Variants in POGZ observed in about 807,000 individuals in gnomAD.
POGZ encodes the protein pogo transposable element with ZNF domain.
A neutral mutation model predicts 134.6 loss-of-function variants in POGZ; 17 were observed. The observed-to-expected ratio is 0.13, with a 90% CI of 0.09 to 0.19. The LOEUF is 0.19. Ranked by LOEUF, POGZ falls within the 10% of genes least tolerant of loss-of-function variation. The pLI, the probability that POGZ is intolerant of heterozygous loss-of-function variation, is 1.00. For missense variants in POGZ, 1,306 were observed against 1,769.7 expected (o/e 0.74, Z 4.70); for synonymous variants, 693 against 657.1 (o/e 1.05, Z -0.84).
In POGZ at chr1:151,431,315, C is replaced by G. The variant is rs377459305; in HGVS notation, c.284-474G>C. ...CTGACTCTCATGATTTAAGTGACCA[C>G]ACATAATCTCCCCCACCAAATCAGC... On this transcript the variant is annotated intron_variant, in intron 3 of 18. Transcript: ENST00000271715. Among the ~76,000 whole-genome samples, 118 of 152,300 alleles carry G rather than the reference C, an allele frequency of 7.7e-4. 3 individuals are homozygous for G. In the South Asian group the frequency reaches 0.024, roughly 31 times the overall value.
intron 1 of POGZ, among the ~76,000 whole-genome samples, chr1:151,449,044 G>C (rs746310500): frequency 7.9e-5 from 12 of 152,170 alleles, no homozygotes; most frequent in Non-Finnish European, 1.6e-4. Context: ...CAGAGATTTA[G>C]ATACAGCAGA....
chr1:151,439,977 T>C (rs919615004), intron 3 of POGZ, among the ~76,000 whole-genome samples: 20 of 152,168 alleles, frequency 1.3e-4, no homozygotes, highest in African/African-American at 4.8e-4. Context: ...AAAAATGTTA[T>C]AGATGACTAT....
At chr1:151,452,604 G>A (rs557363184) in intron 1 of POGZ, among the ~76,000 whole-genome samples, 61 of 152,180 alleles carry the variant, frequency 4.0e-4, no homozygotes, top group African/African-American at 1.4e-3. Flanking sequence ...AGTGGCTCAC[G>A]CCTGTAATCC....
At chr1:151,425,461 T>TTA (rs1657614786) in intron 7 of POGZ, among the ~76,000 whole-genome samples, 1 of 152,214 alleles carries the variant, frequency 6.6e-6, no homozygotes, top group Admixed American at 6.5e-5. Flanking sequence ...GTTTTTGTTT[T>TTA]TTTTAATCTT....
At chr1:151,448,883 CAA>C (rs1661637270) in intron 1 of POGZ, among the ~76,000 whole-genome samples, 2 of 152,014 alleles carry the variant, frequency 1.3e-5, no homozygotes, top group African/African-American at 4.8e-5. Flanking sequence ...AACAAACAAA[CAA>C]ACACGCAAAC....
At position 151,406,051 on chromosome 1, in the gene POGZ, T is replaced by C; in HGVS notation, c.2984A>G (p.His995Arg). ...LCCNTEQAAE[H>R]FRNPQRRIRR... is the part of the protein sequence containing the mutation. ...AATACGTCGCTGGGGATTTCGGAAGTGTTCAGCTGCCTGTTCTGTATTGCA... is the reference window on the plus strand; with the variant it reads ...AATACGTCGCTGGGGATTTCGGAAGCGTTCAGCTGCCTGTTCTGTATTGCA... Residue 995 changes from histidine to arginine, a missense_variant, in exon 19 of 19, where the codon CAC (histidine) becomes CGC (arginine). Coordinates refer to ENST00000271715, the MANE Select transcript of POGZ (RefSeq NM_015100.4). 1.2e-6 allele frequency: 2 copies of C among 1,614,210 alleles called. No homozygotes were observed. The highest frequency in any genetic ancestry group is 1.7e-6 in the Non-Finnish European group (2 of 1,180,036).
intron 10 of POGZ, among the ~76,000 whole-genome samples, chr1:151,422,580 T>C (rs1477839132): frequency 1.3e-5 from 2 of 152,158 alleles, no homozygotes; most frequent in Non-Finnish European, 2.9e-5. Flanking sequence ...AATGATAAAG[T>C]ACTTCATAAT....
At chr1:151,409,434 G>C (rs1253409033) in intron 12 of POGZ, among the ~76,000 whole-genome samples, 1 of 151,964 alleles carries the variant, frequency 6.6e-6, no homozygotes, top group Non-Finnish European at 1.5e-5. Flanking sequence ...GAGTGCAGTG[G>C]CATGTTCATA....
chr1:151,453,673 G>T (rs1389539814), intron 1 of POGZ, among the ~76,000 whole-genome samples: 1 of 152,018 alleles, frequency 6.6e-6, no homozygotes, highest in African/African-American at 2.4e-5. Context: ...AACACTGCAG[G>T]CTCACACAGA....
chr1:151,406,149 A>G lies in POGZ; in HGVS notation c.2886T>C (p.Gly962=). 1.2e-6 allele frequency: 2 copies of G among 1,614,102 alleles called. No individual in the cohort carries two copies. The highest frequency in any genetic ancestry group is 1.7e-6 in the Non-Finnish European group (2 of 1,180,014). ...CCTTTTTGCCAACTCCACCACTACC[A>G]CCACCACCTGATGCTAGCTCAGGTT... ...TQEPELASGG[G]GSGGVGKKEQ... The change falls in exon 19 of 19, where the codon GGT becomes GGC. Residue 962 remains glycine, a synonymous_variant. Coordinates refer to ENST00000271715, the MANE Select transcript of POGZ (RefSeq NM_015100.4).
intron 17 of POGZ, 132 bp from the exon 18 acceptor site, chr1:151,406,763 A>T: frequency 9.7e-7 from 1 of 1,026,020 alleles, no homozygotes; most frequent in Non-Finnish European, 1.5e-6. Context: ...GTTTTATATA[A>T]ACTTCAGGTC....
At position 151,442,199 on chromosome 1, in the gene POGZ, C is replaced by T. The variant is rs777541192; in HGVS notation, c.6G>A (p.Ala2=). 1.7e-5 allele frequency: 28 copies of T among 1,611,296 alleles called. No homozygotes were observed. In the Admixed American group the frequency reaches 2.0e-4, roughly 12 times the overall value. The part of the protein sequence containing the change: M[A]DTDLFMECEE... ...CACATTCCATGAACAGGTCGGTGTC[C>T]GCCATGCTATAAGAAAAACATTCAA... The change falls in exon 2 of 19, where the codon GCG becomes GCA. Residue 2 remains alanine (A), a synonymous_variant. Transcript: ENST00000271715.
intron 3 of POGZ, among the ~76,000 whole-genome samples, chr1:151,431,287 A>C (rs2102311174): frequency 6.6e-6 from 1 of 152,286 alleles, no homozygotes; most frequent in Middle Eastern, 3.4e-3. Flanking sequence ...TGTGGCTAGC[A>C]CCCTGACTCT....
intron 15 of POGZ, among the ~76,000 whole-genome samples, 162 bp from the exon 16 acceptor site, chr1:151,407,453 T>C (rs1213704391): frequency 6.6e-6 from 1 of 152,224 alleles, no homozygotes; most frequent in Admixed American, 6.5e-5. Flanking sequence ...AACTTTAATA[T>C]GCATACAAGT....
chr1:151,405,407 T>C lies in POGZ; in HGVS notation c.3628A>G (p.Thr1210Ala), dbSNP rs529715904. 19 of 1,614,060 alleles carry C rather than the reference T, an allele frequency of 1.2e-5. No individual in the cohort carries two copies. The highest frequency in any genetic ancestry group is 3.3e-5 in the Admixed American group (2 of 60,016). The stretch of plus-strand genomic sequence containing the variant: ...GCTGTGTGCTTCTGCCACACTCGAG[T>C]TGACCACAGCTCCATGATCTCGTCA... ...SDDEIMELWS[T>A]RVWQKHTACQ... is the part of the protein sequence containing the mutation. The change falls in exon 19 of 19, where the codon ACT (threonine) becomes GCT (alanine). Residue 1210 changes from threonine (T) to alanine (A), a missense_variant. Physicochemically the swap from Thr to Ala is moderately conservative, Grantham distance 58. Around this residue, in one of 10 missense-constraint regions of POGZ, gnomAD observed 161 missense variants for 185.4 expected, o/e 0.87. Transcript: ENST00000271715. The surrounding 1 kb of genome is among the most constrained non-coding windows in gnomAD (Gnocchi z 4.9).
At chr1:151,446,090 G>A (rs1571558760) in intron 1 of POGZ, among the ~76,000 whole-genome samples, 2 of 132,062 alleles carry the variant, frequency 1.5e-5, no homozygotes, top group African/African-American at 5.6e-5. Flanking sequence ...GGCAAGGGCA[G>A]CCTTTCAACT....
intron 10 of POGZ, among the ~76,000 whole-genome samples, chr1:151,421,610 T>C (rs1268758870): frequency 2.0e-5 from 3 of 152,250 alleles, no homozygotes; most frequent in Non-Finnish European, 4.4e-5. Flanking sequence ...ATTTTTTATC[T>C]GGACATAGTG....
intron 10 of POGZ, among the ~76,000 whole-genome samples, chr1:151,417,731 A>AC (rs1557889963): frequency 6.8e-5 from 9 of 131,612 alleles, no homozygotes; most frequent in African/African-American, 2.1e-4. Flanking sequence ...CACACACACA[A>AC]AAGGCCTTAT....
intron 12 of POGZ, among the ~76,000 whole-genome samples, chr1:151,410,469 A>G (rs1039901865): frequency 6.6e-6 from 1 of 152,110 alleles, no homozygotes; most frequent in African/African-American, 2.4e-5. Flanking sequence ...CTTTTCTTTA[A>G]AACACTTTCT....
Sources: gnomAD v4.1 joint callset for allele counts (sites outside exome capture counted in the v4.1 genomes callset) on GRCh38, gnomAD v4.1.1 for gene constraint, gnomAD v4.1.1 regional missense constraint, Gnocchi (gnomAD v3.1) non-coding constraint, MANE v1.5 for transcripts, NCBI Gene and HGNC (gene_info 2026-07-23, HGNC 2026-07-21) for gene names.